The following DNAH7 variants were observed in gnomAD, a reference collection of about 807,000 sequenced individuals.
DNAH7 encodes the protein dynein axonemal heavy chain 7.
A neutral mutation model predicts 444.6 loss-of-function variants in DNAH7; 397 were observed. That is an observed-to-expected ratio of 0.89 (90% CI 0.82 to 0.97). The LOEUF (loss-of-function observed/expected upper bound fraction) is 0.97. DNAH7 is among the 50% of genes least tolerant of loss of function. The probability of loss-of-function intolerance (pLI) is 0.00; values close to 1 mark genes in which losing one functional copy is unlikely to be tolerated. For missense variants in DNAH7, 4,902 were observed against 4,800.8 expected (o/e 1.02, Z -0.62); for synonymous variants, 1,636 against 1,624.4 (o/e 1.01, Z -0.17).
chr2:195,885,825 A>T (rs762163343), intron 34 of DNAH7, among the ~76,000 whole-genome samples: 1 of 152,204 alleles, frequency 6.6e-6, no homozygotes, highest in Non-Finnish European at 1.5e-5. Flanking sequence ...GGTAAATCTC[A>T]TTGCCAAAAT....
intron 54 of DNAH7, among the ~76,000 whole-genome samples, chr2:195,804,521 C>G (rs756892135): frequency 1.3e-4 from 20 of 152,208 alleles, no homozygotes; most frequent in Non-Finnish European, 2.2e-4. Flanking sequence ...AGTTTCCAAA[C>G]TGCAGTGGCT....
At chr2:195,772,308 T>C (rs188345891) in intron 60 of DNAH7, among the ~76,000 whole-genome samples, 145 of 152,220 alleles carry the variant, frequency 9.5e-4, no homozygotes, top group African/African-American at 3.4e-3. Context: ...CAAAATATAT[T>C]TGCCAATAAC....
chr2:195,854,697 C>A (rs1223063009), intron 45 of DNAH7, among the ~76,000 whole-genome samples: 1 of 152,028 alleles, frequency 6.6e-6, no homozygotes, highest in Non-Finnish European at 1.5e-5. Flanking sequence ...ATTTTACCTC[C>A]AAAAGCACAT....
intron 15 of DNAH7, among the ~76,000 whole-genome samples, chr2:195,982,201 A>G (rs115996473): frequency 1.3e-5 from 2 of 152,204 alleles, no homozygotes; most frequent in South Asian, 4.1e-4. Context: ...CAAAAGACAT[A>G]CAAATGGCAA....
At chr2:195,869,534 G>A (rs1700554815) in intron 40 of DNAH7, among the ~76,000 whole-genome samples, 1 of 152,136 alleles carries the variant, frequency 6.6e-6, no homozygotes, top group Admixed American at 6.6e-5. Flanking sequence ...AATAGGACAG[G>A]ATAAGAAAGA....
intron 31 of DNAH7, among the ~76,000 whole-genome samples, chr2:195,889,603 C>T (rs1027939657): frequency 3.3e-5 from 5 of 152,134 alleles, no homozygotes; most frequent in Non-Finnish European, 7.4e-5. Context: ...AGGCATGAGC[C>T]ACTGCACCTG....
At chr2:196,053,589 A>G (rs1010072790) in intron 2 of DNAH7, among the ~76,000 whole-genome samples, 1 of 152,226 alleles carries the variant, frequency 6.6e-6, no homozygotes, top group African/African-American at 2.4e-5. Flanking sequence ...AGAATAATAT[A>G]GGCAACAGGA....
At chr2:196,044,189 T>TTA (rs751074950) in intron 5 of DNAH7, among the ~76,000 whole-genome samples, 142 of 143,668 alleles carry the variant, frequency 9.9e-4, no homozygotes, top group South Asian at 4.5e-3. Flanking sequence ...AAAAAAATGT[T>TTA]TATATATATA....
chr2:195,789,876 G>A (rs1198951821), intron 57 of DNAH7, among the ~76,000 whole-genome samples: 1 of 151,874 alleles, frequency 6.6e-6, no homozygotes, highest in Non-Finnish European at 1.5e-5. Context: ...AAAAGAAGAA[G>A]ACAAACTATC....
At chr2:195,816,308 T>C (rs566466189) in intron 51 of DNAH7, among the ~76,000 whole-genome samples, 22 of 152,332 alleles carry the variant, frequency 1.4e-4, no homozygotes, top group African/African-American at 5.1e-4. Context: ...GGAGTCATAT[T>C]TTAAAAATTA....
chr2:196,004,149 C>A (rs1694215184), intron 10 of DNAH7, among the ~76,000 whole-genome samples: 1 of 152,166 alleles, frequency 6.6e-6, no homozygotes, highest in African/African-American at 2.4e-5. Context: ...GAAATATGGA[C>A]TTACTTTCTC....
intron 63 of DNAH7, among the ~76,000 whole-genome samples, chr2:195,743,194 G>A (rs1453246111): frequency 3.3e-5 from 5 of 152,188 alleles, no homozygotes; most frequent in Non-Finnish European, 5.9e-5. Context: ...TTGGGCCTGC[G>A]GCCACAGACT....
chr2:195,755,881 G>A (rs1257375755), intron 62 of DNAH7, among the ~76,000 whole-genome samples: 1 of 152,040 alleles, frequency 6.6e-6, no homozygotes, highest in Admixed American at 6.5e-5. Context: ...TTTTGCTGTA[G>A]GTATCTATTT....
chr2:195,898,503 C>T (rs1686480813), intron 28 of DNAH7, among the ~76,000 whole-genome samples: 1 of 152,080 alleles, frequency 6.6e-6, no homozygotes, highest in Admixed American at 6.6e-5. Context: ...AAAAAAATTC[C>T]TTCTTTCTAT....
At chr2:196,064,923 G>A (rs1001731458) in intron 1 of DNAH7, among the ~76,000 whole-genome samples, 1 of 152,050 alleles carries the variant, frequency 6.6e-6, no homozygotes, top group Non-Finnish European at 1.5e-5. Context: ...AACACACACA[G>A]TTCTTAGGCA....
In DNAH7 at chr2:195,919,687, T is replaced by C. The variant is rs146667956; in HGVS notation, c.3935+2401A>G. 3.1e-3 allele frequency among the ~76,000 whole-genome samples: 476 copies of C among 152,276 alleles called. 4 individuals are homozygous for C. The highest frequency in any genetic ancestry group is 0.011 in the African/African-American group (457 of 41,556). On this transcript the variant is annotated intron_variant, in intron 24 of 64. Transcript: ENST00000312428. ...AAAGGAAGAGAATTAAATAAATACA[T>C]TTAATTCAATTAAATCAGTAGGGCT...
Position 195,891,795 on chromosome 2 carries a change from C to A in DNAH7, c.4906G>T (p.Glu1636Ter). 1 of 1,545,506 alleles carries A rather than the reference C, an allele frequency of 6.5e-7. No homozygotes were observed. Among genetic ancestry groups the A allele is most frequent in the Non-Finnish European group, 8.7e-7 (1 of 1,154,122 alleles). The change falls in exon 31 of 65, where the codon GAA becomes TAA. Residue 1636 changes from glutamate (E) to a stop codon, truncating the protein, a stop_gained. Coordinates refer to ENST00000312428, the MANE Select transcript of DNAH7 (RefSeq NM_018897.3). LOFTEE classifies it high-confidence loss of function. ...ACAGTTATTTGAACTTTGTTTTCTT[C>A]CATTAGCCCCTTAATGAAAAAAAAA... ...LNDICEKGLM[E>*]ENKVQITVLN...
chr2:196,002,957 G>A (rs1037711446), intron 10 of DNAH7, among the ~76,000 whole-genome samples: 9 of 151,366 alleles, frequency 5.9e-5, no homozygotes, highest in Non-Finnish European at 1.2e-4. Context: ...GCAGTGAGCC[G>A]AGATGGTTCC....
At chr2:195,998,684 C>T (rs1159845403) in intron 12 of DNAH7, 1 of 154,974 alleles carries the variant, frequency 6.5e-6, no homozygotes, top group Non-Finnish European at 1.4e-5. Context: ...TTGAAAAAGT[C>T]AGGGTACAAA....
Sources: gnomAD v4.1 joint callset for allele counts (sites outside exome capture counted in the v4.1 genomes callset) on GRCh38, gnomAD v4.1.1 for gene constraint, MANE v1.5 for transcripts, NCBI Gene and HGNC (gene_info 2026-07-23, HGNC 2026-07-21) for gene names.